Variants in TDRD6 observed in about 807,000 individuals in gnomAD.
TDRD6 encodes the protein tudor domain containing 6, also known as tudor domain-containing protein 6.
Under a neutral mutation model 157.5 loss-of-function variants are expected in TDRD6, and 186 were observed. That is an observed-to-expected ratio of 1.18 (90% CI 1.05 to 1.33). TDRD6 has a LOEUF of 1.33. TDRD6 is among the 40% of genes most tolerant of loss of function. The probability of loss-of-function intolerance (pLI) is 0.00; values close to 1 mark genes in which losing one functional copy is unlikely to be tolerated. For missense variants in TDRD6, 3,066 were observed against 2,508.0 expected (o/e 1.22, Z -4.75); for synonymous variants, 1,075 against 945.2 (o/e 1.14, Z -2.52).
Position 46,693,251 on chromosome 6 carries a change from C to G in TDRD6, c.5123C>G (p.Pro1708Arg), listed in dbSNP as rs775176217. The change falls in exon 1 of 4, where the codon CCC (proline) becomes CGC (arginine). Residue 1708 changes from proline (P) to arginine (R), a missense_variant. Physicochemically the swap from Pro to Arg is moderately radical, Grantham distance 103. Transcript: ENST00000316081. ...AAGACTGGTATTAAAAGTGCTCTTC[C>G]CTATGAAAATATTGACTCAGAGATA... The part of the protein sequence containing the change: ...YSKTGIKSAL[P>R]YENIDSEIKQ... 12 of 1,613,438 alleles carry G rather than the reference C, an allele frequency of 7.4e-6. No individual in the cohort carries two copies. The highest frequency in any genetic ancestry group is 1.0e-5 in the Non-Finnish European group (12 of 1,179,868).
At chr6:46,683,899 C>T (rs374550648), upstream of TDRD6, among the ~76,000 whole-genome samples, 9 of 152,090 alleles carry the variant, frequency 5.9e-5, no homozygotes, top group East Asian at 1.2e-3. Flanking sequence ...CTTCCTTTCC[C>T]ACTATGTTTT....
In TDRD6 at chr6:46,690,698, G is replaced by A; in HGVS notation, c.2570G>A (p.Arg857Lys). The A allele has an allele frequency of 6.2e-7, 1 of 1,614,172 alleles. No homozygotes were observed. Among genetic ancestry groups the A allele is most frequent in the Non-Finnish European group, 8.5e-7 (1 of 1,180,006 alleles). The change falls in exon 1 of 4, where the codon AGA becomes AAA. Residue 857 changes from arginine (R) to lysine (K), a missense_variant. Arg to Lys is a conservative substitution (Grantham distance 26). Coordinates refer to ENST00000316081, the MANE Select transcript of TDRD6 (RefSeq NM_001010870.3). ...VNVTFVDYGD[R>K]EMVSVKNIYS... Reference sequence around the variant, plus strand: ...GTAACATTTGTAGATTATGGAGACAGAGAAATGGTATCTGTGAAGAATATT... The same window carrying A: ...GTAACATTTGTAGATTATGGAGACAAAGAAATGGTATCTGTGAAGAATATT...
rs746421668 is a variant in TDRD6 at position 46,689,134 on chromosome 6, C to A, written c.1006C>A (p.Arg336=). 16 of 1,614,146 alleles carry A rather than the reference C, an allele frequency of 9.9e-6. No homozygotes were observed. The East Asian group carries it at 3.6e-4, about 36-fold the overall frequency. Residue 336 remains arginine, a synonymous_variant, in exon 1 of 4, where the codon CGG becomes AGG. Coordinates refer to ENST00000316081, the MANE Select transcript of TDRD6 (RefSeq NM_001010870.3). ...CAGAGCACTGTTGCTTGAGACTTTT[C>A]GGCCCCAGCGCTGTGCCCAGGTGCT... ...WYRALLLETF[R]PQRCAQVLHV...
rs1204595801 is a variant in TDRD6 at position 46,688,553 on chromosome 6, G to A, written c.425G>A (p.Gly142Asp). The A allele has an allele frequency of 5.7e-6, 9 of 1,583,254 alleles. No individual in the cohort carries two copies. The highest frequency in any genetic ancestry group is 7.7e-6 in the Non-Finnish European group (9 of 1,171,278). ...CTGGTGCCGGCAGGCTGCGGCGCGG[G>A]CTCAGGCGAGCCGCCGCAGCACTGG... The part of the protein sequence containing the change: ...AGLVPAGCGA[G>D]SGEPPQHWPA... Residue 142 changes from glycine (G) to aspartate (D), a missense_variant, in exon 1 of 4, where the codon GGC becomes GAC. Gly to Asp is a moderately conservative substitution (Grantham distance 94). Transcript: ENST00000316081.
At chr6:46,694,778 G>A (rs759467965) in intron 1 of TDRD6, among the ~76,000 whole-genome samples, 11 of 152,066 alleles carry the variant, frequency 7.2e-5, no homozygotes, top group Non-Finnish European at 1.3e-4. Context: ...ATAATCAAGA[G>A]GGCATGTGTT....
chr6:46,688,197 G>A lies in TDRD6; in HGVS notation c.69G>A (p.Val23=). Reference sequence around the variant, plus strand: ...CCCTGCGGGTGTCCTTCGTGGACGTGCATCCCGATGTGATCCCGGTGCAGC... The same window carrying A: ...CCCTGCGGGTGTCCTTCGTGGACGTACATCCCGATGTGATCCCGGTGCAGC... The part of the protein sequence containing the change: ...SLALRVSFVD[V]HPDVIPVQLW... Residue 23 remains valine (V), a synonymous_variant, in exon 1 of 4, where the codon GTG becomes GTA. Transcript: ENST00000316081. 3 of 1,547,034 alleles carry A rather than the reference G, an allele frequency of 1.9e-6. No homozygotes were observed. Among genetic ancestry groups the A allele is most frequent in the Non-Finnish European group, 1.7e-6 (2 of 1,152,742 alleles).
intron 1 of TDRD6, among the ~76,000 whole-genome samples, chr6:46,695,252 T>A (rs1205178076): frequency 6.6e-6 from 1 of 152,168 alleles, no homozygotes; most frequent in African/African-American, 2.4e-5. Context: ...TGTGTATGTC[T>A]ACTATATAGT....
intron 3 of TDRD6, chr6:46,701,041 G>A: frequency 2.2e-6 from 1 of 462,844 alleles, no homozygotes; most frequent in Non-Finnish European, 4.5e-6. Flanking sequence ...CTTCATGTCA[G>A]TGGGTGATAC....
At position 46,689,295 on chromosome 6, in the gene TDRD6, T is replaced by C; in HGVS notation, c.1167T>C (p.Ser389=). Residue 389 remains serine (S), a synonymous_variant, in exon 1 of 4, where the codon TCT becomes TCC. Transcript: ENST00000316081. ...TCTGGGACGGTGGGAGAGGCTGGTC[T>C]CGGTCACAGGTCGGTGACCTGAAGA... ...YGLWDGGRGW[S]RSQVGDLKTL... is the part of the protein sequence containing the mutation. 6.2e-7 allele frequency: 1 copy of C among 1,614,146 alleles called. No individual in the cohort carries two copies. Among genetic ancestry groups the C allele is most frequent in the Non-Finnish European group, 8.5e-7 (1 of 1,180,018 alleles).
In TDRD6 at chr6:46,698,209, G is replaced by A. The variant is rs192320009; in HGVS notation, c.6261+122G>A. The A allele has an allele frequency of 1.2e-5, 7 of 600,066 alleles. No individual in the cohort carries two copies. In the East Asian group the frequency reaches 1.9e-4, roughly 16 times the overall value. 37.2% of individuals were successfully genotyped at this position (600,066 alleles called of 1,614,324 possible). A position where few individuals can be genotyped will look rare whatever the true frequency, so the allele number is the denominator to read the frequency against. On this transcript the variant is annotated intron_variant, in intron 3 of 3. Transcript: ENST00000316081. ...ATGGGAGAAAAATCCTGTGACAATAGTTAAAAACAGCAATAACAAAATCAG... is the reference window on the plus strand; with the variant it reads ...ATGGGAGAAAAATCCTGTGACAATAATTAAAAACAGCAATAACAAAATCAG...
At position 46,695,953 on chromosome 6, in the gene TDRD6, A is replaced by ACT. The variant is rs1322994075; in HGVS notation, c.6171+8_6171+9insCT. 3.1e-6 allele frequency: 5 copies of ACT among 1,609,040 alleles called. No homozygotes were observed. Among genetic ancestry groups the ACT allele is most frequent in the Admixed American group, 1.7e-5 (1 of 59,132 alleles). On this transcript the variant is annotated intron_variant, in intron 2 of 3. Coordinates refer to ENST00000316081, the MANE Select transcript of TDRD6 (RefSeq NM_001010870.3). ...GCTGAAGAAGGAACAAGGGTAAGTGATGTTTAAGTACTTTATCTCCAAATG... is the reference window on the plus strand; with the variant it reads ...GCTGAAGAAGGAACAAGGGTAAGTGACTTGTTTAAGTACTTTATCTCCAAATG...
chr6:46,681,581 A>T, the TDRD6 span: 1 of 470,936 alleles, frequency 2.1e-6, no homozygotes, highest in Non-Finnish European at 4.4e-6. Context: ...ATAAAAGCAG[A>T]TGAAGATGCT....
chr6:46,698,232 C>T, intron 3 of TDRD6, 145 bp downstream of exon 3: 1 of 524,962 alleles, frequency 1.9e-6, no homozygotes, highest in Non-Finnish European at 3.3e-6. Context: ...ATAACAAAAT[C>T]AGTGATTTTA....
At position 46,693,798 on chromosome 6, in the gene TDRD6, A is replaced by G. The variant is rs749544203; in HGVS notation, c.5670A>G (p.Leu1890=). 6.2e-7 allele frequency: 1 copy of G among 1,614,186 alleles called. No homozygotes were observed. Among genetic ancestry groups the G allele is most frequent in the South Asian group, 1.1e-5 (1 of 91,086 alleles). The change falls in exon 1 of 4, where the codon CTA becomes CTG. Residue 1890 remains leucine, a synonymous_variant. Coordinates refer to ENST00000316081, the MANE Select transcript of TDRD6 (RefSeq NM_001010870.3). ...QECVTKGAME[L]FTLQLPLSCE... is the part of the protein sequence containing the mutation. ...GTGTCACAAAAGGCGCCATGGAGCTATTTACACTGCAGCTTCCTCTCAGCT... is the reference window on the plus strand; with the variant it reads ...GTGTCACAAAAGGCGCCATGGAGCTGTTTACACTGCAGCTTCCTCTCAGCT...
chr6:46,684,222 T>A (rs187553274), upstream of TDRD6, among the ~76,000 whole-genome samples: 11 of 152,322 alleles, frequency 7.2e-5, no homozygotes, highest in Admixed American at 6.5e-4. Flanking sequence ...CTTTTTATTT[T>A]GAAATAATTT....
At chr6:46,697,166 A>T (rs939391869) in intron 2 of TDRD6, among the ~76,000 whole-genome samples, 1 of 152,136 alleles carries the variant, frequency 6.6e-6, no homozygotes, top group African/African-American at 2.4e-5. Flanking sequence ...GACTTCTCTT[A>T]CATATACCAT....
upstream of TDRD6, among the ~76,000 whole-genome samples, chr6:46,683,193 G>A (rs115018531): frequency 4.4e-3 from 675 of 152,096 alleles, 7 homozygotes; most frequent in African/African-American, 0.016. Context: ...TTTGGCAAAA[G>A]CACCAAGATA....
rs748812731 is a variant in TDRD6 at position 46,691,570 on chromosome 6, A to G, written c.3442A>G (p.Ile1148Val). 7 of 1,613,554 alleles carry G rather than the reference A, an allele frequency of 4.3e-6. No individual in the cohort carries two copies. The highest frequency in any genetic ancestry group is 4.2e-6 in the Non-Finnish European group (5 of 1,179,766). ...AGAACTATATGGTGACAATATTCAA[A>G]TTAGTGCTAGTATTAATAAGAAGTT... ...IIELYGDNIQ[I>V]SASINKKLGL... The change falls in exon 1 of 4, where the codon ATT becomes GTT. Residue 1148 changes from isoleucine to valine, a missense_variant. Ile to Val is a conservative substitution (Grantham distance 29). Transcript: ENST00000316081.
chr6:46,696,046 T>C, intron 2 of TDRD6, 101 bp downstream of exon 2: 1 of 1,311,460 alleles, frequency 7.6e-7, no homozygotes, highest in Non-Finnish European at 1.0e-6. Context: ...GAACAAATGT[T>C]TACTTGCTTG....
Sources: allele counts gnomAD v4.1 joint callset (sites outside exome capture counted in the v4.1 genomes callset), GRCh38; gene constraint gnomAD v4.1.1; transcripts MANE v1.5; gene names NCBI Gene and HGNC (gene_info 2026-07-23, HGNC 2026-07-21).